Variants in UNC79 observed in about 807,000 individuals in gnomAD.
The protein encoded by UNC79 is unc-79 subunit of NALCN channel complex, also known as protein unc-79 homolog.
A neutral mutation model predicts 283.1 loss-of-function variants in UNC79; 37 were observed. The observed-to-expected ratio is 0.13, with a 90% CI of 0.10 to 0.17. UNC79 has a LOEUF of 0.17. UNC79 is among the 10% of genes least tolerant of loss of function. The probability of loss-of-function intolerance (pLI) is 1.00; values close to 1 mark genes in which losing one functional copy is unlikely to be tolerated. For synonymous variants in UNC79, 1,107 were observed against 1,200.2 expected, an observed-to-expected ratio of 0.92 and a Z score of 1.61; for missense variants, 2,272 against 3,211.1, an observed-to-expected ratio of 0.71 and a Z score of 7.07.
chr14:93,446,948 C>T (rs1255925900), intron 1 of UNC79, among the ~76,000 whole-genome samples: 1 of 152,038 alleles, frequency 6.6e-6, no homozygotes, highest in Non-Finnish European at 1.5e-5. Flanking sequence ...GGATTTTTGT[C>T]TAATTTTTCT....
chr14:93,542,830 G>T (rs2061435308), intron 14 of UNC79, 134 bp downstream of exon 14: 2 of 793,042 alleles, frequency 2.5e-6, no homozygotes, highest in Non-Finnish European at 4.1e-6. Flanking sequence ...ATAGCTAAAT[G>T]AATTTAGTAA....
intron 1 of UNC79, among the ~76,000 whole-genome samples, chr14:93,384,109 A>G (rs1249545572): frequency 1.3e-5 from 2 of 152,286 alleles, no homozygotes; most frequent in East Asian, 3.9e-4. Context: ...CTGTTGATGG[A>G]CCCTTAGGTT....
exon 16 of UNC79, chr14:93,572,710 A>T: frequency 6.2e-7 from 1 of 1,614,068 alleles, no homozygotes; most frequent in Non-Finnish European, 8.5e-7. Context: ...TTTGACATTG[A>T]ACTCTGTCCT....
At chr14:93,386,285 A>T (rs936503199) in intron 1 of UNC79, among the ~76,000 whole-genome samples, 2 of 152,172 alleles carry the variant, frequency 1.3e-5, no homozygotes, top group Admixed American at 6.5e-5. Flanking sequence ...ATTGATTTGC[A>T]TATGCTGAAC....
intron 1 of UNC79, among the ~76,000 whole-genome samples, chr14:93,411,210 C>A (rs2055329906): frequency 6.6e-6 from 1 of 152,138 alleles, no homozygotes; most frequent in Non-Finnish European, 1.5e-5. Flanking sequence ...GGCCCCTCTG[C>A]CTCTAGAAAG....
intron 1 of UNC79, among the ~76,000 whole-genome samples, chr14:93,411,442 T>C (rs2055334044): frequency 6.6e-6 from 1 of 152,138 alleles, no homozygotes; most frequent in Non-Finnish European, 1.5e-5. Context: ...CCCAGGGCCT[T>C]GAGGGAACAA....
At chr14:93,576,010 G>A (rs1439786807) in intron 17 of UNC79, among the ~76,000 whole-genome samples, 2 of 152,208 alleles carry the variant, frequency 1.3e-5, no homozygotes, top group African/African-American at 4.8e-5. Flanking sequence ...TCATCTTCCT[G>A]ATAGGAGCCA....
At chr14:93,383,628 TTGATGTTGATGACTGC>T (rs1259971070) in intron 1 of UNC79, among the ~76,000 whole-genome samples, 2 of 152,178 alleles carry the variant, frequency 1.3e-5, no homozygotes, top group African/African-American at 4.8e-5. Flanking sequence ...TGGTGTTGCC[TTGATGTTGATGACTGC>T]TGACTAATCA....
intron 1 of UNC79, among the ~76,000 whole-genome samples, chr14:93,339,022 C>T (rs1211159052): frequency 1.3e-5 from 2 of 152,206 alleles, no homozygotes; most frequent in South Asian, 4.1e-4. Flanking sequence ...GACTCTAGAG[C>T]TGCTATGCAG....
chr14:93,481,252 C>T (rs77694378), intron 4 of UNC79, among the ~76,000 whole-genome samples: 2,309 of 152,132 alleles, frequency 0.015, 15 homozygotes, highest in Non-Finnish European at 0.023. Flanking sequence ...CAAATGTGCT[C>T]AATATGCTTT....
At chr14:93,565,678 T>C (rs2402313) in intron 14 of UNC79, among the ~76,000 whole-genome samples, 91,602 of 151,510 alleles carry the variant, frequency 0.6, 28,238 homozygotes, top group Admixed American at 0.68. Context: ...AACAGCAAAC[T>C]AACAGTCAGT....
intron 38 of UNC79, among the ~76,000 whole-genome samples, chr14:93,658,505 C>G (rs2071193658): frequency 6.6e-6 from 1 of 152,154 alleles, no homozygotes; most frequent in South Asian, 2.1e-4. Flanking sequence ...ATCTATTTAC[C>G]ATATCATTGT....
intron 1 of UNC79, chr14:93,397,351 A>C (rs116100434): frequency 6.6e-6 from 1 of 152,212 alleles, no homozygotes; most frequent in Non-Finnish European, 1.5e-5. Flanking sequence ...ACTTATCTGA[A>C]TTTCTGGAAG....
chr14:93,384,329 G>A (rs946876493), intron 1 of UNC79, among the ~76,000 whole-genome samples: 4 of 152,176 alleles, frequency 2.6e-5, no homozygotes, highest in African/African-American at 9.7e-5. Context: ...GTGTACAAGG[G>A]TTCCCTTTTC....
chr14:93,471,419 A>C (rs981399195), intron 2 of UNC79, among the ~76,000 whole-genome samples: 7 of 152,168 alleles, frequency 4.6e-5, no homozygotes, highest in Admixed American at 4.6e-4. Flanking sequence ...CTCAGGAGGA[A>C]AAGGGAAAGG....
chr14:93,595,159 G>A (rs1314115009), intron 23 of UNC79, among the ~76,000 whole-genome samples: 2 of 150,616 alleles, frequency 1.3e-5, no homozygotes, highest in Non-Finnish European at 3.0e-5. Flanking sequence ...GAGTGATCTC[G>A]GCTCACTGCA....
chr14:93,462,787 G>T (rs1041916551), intron 1 of UNC79, among the ~76,000 whole-genome samples: 1 of 152,152 alleles, frequency 6.6e-6, no homozygotes, highest in Non-Finnish European at 1.5e-5. Context: ...TGACTTGGTG[G>T]GTTACACAGA....
chr14:93,460,751 C>T (rs1233045368), intron 1 of UNC79, among the ~76,000 whole-genome samples: 2 of 151,994 alleles, frequency 1.3e-5, no homozygotes, highest in Non-Finnish European at 2.9e-5. Context: ...TCTGGTCACA[C>T]GTGGCACCTC....
intron 1 of UNC79, among the ~76,000 whole-genome samples, chr14:93,439,651 T>A (rs558512033): frequency 5.3e-5 from 8 of 152,262 alleles, no homozygotes; most frequent in African/African-American, 1.7e-4. Context: ...TTCTAAACTT[T>A]GGAATAATAT....
Sources: allele counts gnomAD v4.1 joint callset (sites outside exome capture counted in the v4.1 genomes callset), GRCh38; gene constraint gnomAD v4.1.1; transcripts MANE v1.5; gene names NCBI Gene and HGNC (gene_info 2026-07-23, HGNC 2026-07-21).